The following FRS2 variants were observed in gnomAD, a reference collection of about 807,000 sequenced individuals.
FRS2 encodes the protein FGFR signalling adaptor.
A neutral mutation model predicts 43.9 loss-of-function variants in FRS2; 8 were observed. The ratio of observed to expected loss-of-function variants is 0.18; its 90% confidence interval spans 0.11 to 0.33. FRS2 has a LOEUF of 0.33. FRS2 is among the 10% of genes least tolerant of loss of function. The pLI is 1.00. For missense variants in FRS2, 534 were observed against 627.6 expected, an observed-to-expected ratio of 0.85 and a Z score of 1.59; for synonymous variants, 219 against 220.3, an observed-to-expected ratio of 0.99 and a Z score of 0.05.
Position 69,571,432 on chromosome 12 carries a change from C to T in FRS2, c.410C>T (p.Thr137Ile), listed in dbSNP as rs1221828474. ...GTCCCTAGAACACCTCGAACACCTA[C>T]AAGTAAGTACCCCTTTTCCCTTTCA... is the stretch of plus-strand genomic sequence containing the variant. ...LEVPRTPRTP[T>I]TPGFAAQNLP... is the part of the protein sequence containing the mutation. The change falls in exon 7 of 9, where the codon ACA becomes ATA. Residue 137 changes from threonine (T) to isoleucine (I), a missense_variant and splice_region_variant. Physicochemically the swap from Thr to Ile is moderately conservative, Grantham distance 89. Around this residue, in one of 3 missense-constraint regions of FRS2, gnomAD observed 446 missense variants for 494.2 expected, o/e 0.90. Transcript: ENST00000549921. The T allele has an allele frequency of 6.2e-7, 1 of 1,608,820 alleles. No homozygotes were observed. Among genetic ancestry groups the T allele is most frequent in the South Asian group, 1.1e-5 (1 of 90,690 alleles).
intron 1 of FRS2, among the ~76,000 whole-genome samples, chr12:69,496,294 G>A (rs556671264): frequency 8.3e-4 from 127 of 152,166 alleles, no homozygotes; most frequent in African/African-American, 2.7e-3. Context: ...AAAATTAGCC[G>A]GGCGTGGTGG....
intron 3 of FRS2, among the ~76,000 whole-genome samples, chr12:69,551,034 CAT>C (rs1043273878): frequency 4.6e-5 from 7 of 152,112 alleles, no homozygotes; most frequent in South Asian, 4.2e-4. Flanking sequence ...GTTCTCTTCA[CAT>C]GTGTCTTTAA....
At chr12:69,559,473 G>T (rs1593054305) in intron 3 of FRS2, among the ~76,000 whole-genome samples, 2 of 152,088 alleles carry the variant, frequency 1.3e-5, no homozygotes, top group South Asian at 2.1e-4. Context: ...ACTAAAGAAA[G>T]ATCTGTTTAG....
chr12:69,509,326 C>T (rs1455949885), intron 1 of FRS2, among the ~76,000 whole-genome samples: 1 of 152,176 alleles, frequency 6.6e-6, no homozygotes, highest in Non-Finnish European at 1.5e-5. Context: ...TAAGAATTTT[C>T]AGCCAGTCAT....
intron 1 of FRS2, among the ~76,000 whole-genome samples, chr12:69,500,591 T>A (rs937275837): frequency 2.0e-5 from 3 of 152,232 alleles, no homozygotes; most frequent in Admixed American, 6.5e-5. Flanking sequence ...GGTCTTATGA[T>A]TGAGTCTTAG....
rs541167289 is a variant in FRS2, at chr12:69,515,000, A to G, written c.-260-15865A>G. On this transcript the variant is annotated intron_variant, in intron 1 of 8. Coordinates refer to ENST00000549921, the MANE Select transcript of FRS2 (RefSeq NM_001278356.2). ...TGTGAAGCCCTCAATATGTGCCACCATGCTAAATGTTATACAAGAATTATC... is the reference window on the plus strand; with the variant it reads ...TGTGAAGCCCTCAATATGTGCCACCGTGCTAAATGTTATACAAGAATTATC... 3.3e-5 allele frequency among the ~76,000 whole-genome samples: 5 copies of G among 152,342 alleles called. No homozygotes were observed. In the South Asian group the frequency reaches 1.0e-3, roughly 32 times the overall value.
chr12:69,497,486 A>G (rs1185810985), intron 1 of FRS2, among the ~76,000 whole-genome samples: 1 of 152,030 alleles, frequency 6.6e-6, no homozygotes, highest in Non-Finnish European at 1.5e-5. Flanking sequence ...GCTCCCTTCA[A>G]CCTCTTTTAT....
intron 3 of FRS2, among the ~76,000 whole-genome samples, chr12:69,556,127 C>G (rs1377220918): frequency 6.6e-6 from 1 of 152,012 alleles, no homozygotes; most frequent in African/African-American, 2.4e-5. Context: ...TCTCAAAGTC[C>G]TGGCCTCAAG....
chr12:69,516,090 C>T (rs771107938), intron 1 of FRS2, among the ~76,000 whole-genome samples: 5 of 151,980 alleles, frequency 3.3e-5, no homozygotes, highest in African/African-American at 4.8e-5. Context: ...CAAGTCTGTC[C>T]TACAGATTTT....
chr12:69,563,033 T>A (rs1364568315), intron 4 of FRS2, among the ~76,000 whole-genome samples: 1 of 152,208 alleles, frequency 6.6e-6, no homozygotes, highest in Non-Finnish European at 1.5e-5. Context: ...CTTTTGTATG[T>A]TGCTGTCTTG....
intron 1 of FRS2, among the ~76,000 whole-genome samples, chr12:69,482,851 C>A (rs1240826329): frequency 6.6e-6 from 1 of 152,064 alleles, no homozygotes; most frequent in Admixed American, 6.6e-5. Flanking sequence ...TTATTAAAAC[C>A]TGACTTAAGT....
intron 3 of FRS2, among the ~76,000 whole-genome samples, chr12:69,538,234 T>TTATATA (rs10584446): frequency 5.9e-5 from 6 of 101,662 alleles, no homozygotes; most frequent in Middle Eastern, 4.7e-3. Flanking sequence ...GCATTGCAGA[T>TTATATA]TATATATATA....
chr12:69,557,595 T>TGTGTGTGTGCGC (rs1555192513), intron 3 of FRS2, among the ~76,000 whole-genome samples: 26 of 12,876 alleles, frequency 2.0e-3, no homozygotes, highest in African/African-American at 6.1e-3. Flanking sequence ...GAAGGTTGAT[T>TGTGTGTGTGCGC]GTGTGTGTGT....
chr12:69,484,087 TTTTC>T (rs1477699261), intron 1 of FRS2, among the ~76,000 whole-genome samples: 8 of 150,454 alleles, frequency 5.3e-5, no homozygotes, highest in Non-Finnish European at 1.0e-4. Flanking sequence ...TTGGAAAAGC[TTTTC>T]TTTCTTTTTT....
chr12:69,566,531 T>TG (rs1880309618), intron 4 of FRS2, among the ~76,000 whole-genome samples: 1 of 151,900 alleles, frequency 6.6e-6, no homozygotes, highest in Non-Finnish European at 1.5e-5. Context: ...CTCTTGAACC[T>TG]GGGGGGCGGA....
intron 4 of FRS2, among the ~76,000 whole-genome samples, chr12:69,568,012 C>T (rs143183173): frequency 3.2e-4 from 48 of 152,290 alleles, no homozygotes; most frequent in African/African-American, 1.1e-3. Context: ...TTCTGTGCTT[C>T]CTTCCCTCCT....
At chr12:69,542,735 A>G (rs1593021793) in intron 3 of FRS2, among the ~76,000 whole-genome samples, 2 of 152,314 alleles carry the variant, frequency 1.3e-5, no homozygotes, top group South Asian at 4.1e-4. Flanking sequence ...AGTATATTCA[A>G]AGTAAATTCT....
chr12:69,544,028 G>C (rs1878146405), intron 3 of FRS2, among the ~76,000 whole-genome samples: 1 of 141,488 alleles, frequency 7.1e-6, no homozygotes, highest in Non-Finnish European at 1.5e-5. Context: ...TGACAAATGG[G>C]TGTCCTGTCT....
At chr12:69,521,153 G>T (rs1041554451) in intron 1 of FRS2, among the ~76,000 whole-genome samples, 20 of 151,652 alleles carry the variant, frequency 1.3e-4, no homozygotes, top group Admixed American at 2.0e-4. Flanking sequence ...TATTTTTTTT[G>T]TGTGTGTGGC....
Sources: allele counts gnomAD v4.1 joint callset (sites outside exome capture counted in the v4.1 genomes callset), GRCh38; gene constraint gnomAD v4.1.1; regional missense constraint gnomAD v4.1.1; transcripts MANE v1.5; gene names NCBI Gene and HGNC (gene_info 2026-07-23, HGNC 2026-07-21).